SLC1A6: variants seen among roughly 807,000 people sequenced by gnomAD.
The protein encoded by SLC1A6 is solute carrier family 1 member 6, also known as excitatory amino acid transporter 4.
A neutral mutation model predicts 42.1 loss-of-function variants in SLC1A6; 15 were observed. The observed-to-expected ratio is 0.36, with a 90% CI of 0.24 to 0.55. SLC1A6 has a LOEUF of 0.55. Among genes scored for constraint, SLC1A6 ranks in the 20% least tolerant of loss-of-function variants. The probability of loss-of-function intolerance (pLI) is 0.88; values close to 1 mark genes in which losing one functional copy is unlikely to be tolerated. For missense variants in SLC1A6, 542 were observed against 772.5 expected (o/e 0.70, Z 3.54); for synonymous variants, 317 against 319.7 (o/e 0.99, Z 0.09).
intron 1 of SLC1A6, among the ~76,000 whole-genome samples, chr19:14,995,836 A>G (rs1295323539): frequency 6.6e-6 from 1 of 152,206 alleles, no homozygotes; most frequent in Non-Finnish European, 1.5e-5. Context: ...ACCTCATAGA[A>G]GAAGAGAGAT....
At chr19:14,996,561 GTTCTTCTTCCTCTTC>G (rs1600036146) in intron 1 of SLC1A6, among the ~76,000 whole-genome samples, 1 of 140,176 alleles carries the variant, frequency 7.1e-6, no homozygotes, top group East Asian at 2.0e-4. Context: ...TCTTCTTCTT[GTTCTTCTTCCTCTTC>G]TTCTTCTTCC....
At chr19:14,980,456 T>C (rs1455961931), upstream of SLC1A6, among the ~76,000 whole-genome samples, 1 of 152,190 alleles carries the variant, frequency 6.6e-6, no homozygotes, top group Non-Finnish European at 1.5e-5. Flanking sequence ...TGAGAGCTAA[T>C]GCCATTTAAA....
At chr19:14,995,894 A>G (rs2045843846) in intron 1 of SLC1A6, among the ~76,000 whole-genome samples, 1 of 152,188 alleles carries the variant, frequency 6.6e-6, no homozygotes, top group Admixed American at 6.5e-5. Context: ...GGAAAAGAAC[A>G]TTAGACAGCA....
intron 9 of SLC1A6, among the ~76,000 whole-genome samples, chr19:14,952,623 G>A (rs913276399): frequency 6.6e-6 from 1 of 152,022 alleles, no homozygotes; most frequent in East Asian, 2.0e-4. Context: ...ATTTTTAGTA[G>A]AGACACCGCA....
At chr19:14,952,794 G>C in intron 9 of SLC1A6, 134 bp downstream of exon 9, 2 of 1,147,524 alleles carry the variant, frequency 1.7e-6, no homozygotes, top group South Asian at 3.9e-5. Context: ...GCCTCTCCAA[G>C]GCCTCCTTTT....
chr19:14,995,502 G>C (rs569785826), intron 1 of SLC1A6, among the ~76,000 whole-genome samples: 11 of 152,170 alleles, frequency 7.2e-5, no homozygotes, highest in African/African-American at 2.4e-4. Context: ...AAGTTCAAGA[G>C]ATCTATTGTA....
rs56317513 is a variant in SLC1A6 at position 14,979,050 on chromosome 19, T to TCACA, written c.-8+255_-8+258dup. Among the ~76,000 whole-genome samples the TCACA allele has an allele frequency of 0.086, 11,281 of 131,222 alleles. 731 individuals carry two copies. The highest frequency in any genetic ancestry group is 0.11 in the Non-Finnish European group (6,841 of 61,860). The allele number at this position is 131,222 out of a possible 152,430, so 86.1% of individuals were successfully genotyped here. A position where few individuals can be genotyped will look rare whatever the true frequency, so the allele number is the denominator to read the frequency against. ...CAAATTCAGTCTCTCTCTCTCTCTG[T>TCACA]CACACACACACACACACACACACAC... On this transcript the variant is annotated intron_variant, in intron 1 of 9. Transcript: ENST00000594383. This position sits in a 1 kb window ranked among gnomAD's most constrained non-coding sequence, Gnocchi z 4.2.
chr19:14,975,221 G>C (rs2045689925), intron 1 of SLC1A6: 2 of 17,988 alleles, frequency 1.1e-4, no homozygotes, highest in Admixed American at 5.9e-4. Context: ...ATGAGTTCTG[G>C]TGTTCTGCAG....
rs1335936185 is a variant in SLC1A6, at chr19:14,989,271, A to T, written c.7-16354T>A. ...AACCCCCAAAATCTATTTTAAAAAA[A>T]ATTTTTTAAGGAGGAGTTTCACTCT... On this transcript the variant is annotated intron_variant, in intron 1 of 8. Coordinates refer to the SLC1A6 transcript ENST00000430939. 1.1e-4 allele frequency among the ~76,000 whole-genome samples: 16 copies of T among 152,132 alleles called. No individual in the cohort carries two copies. In the South Asian group the frequency reaches 3.1e-3, roughly 30 times the overall value.
chr19:14,950,462 G>T (rs1489491301), intron 9 of SLC1A6, 72 bp from the exon 10 acceptor site: 2 of 1,217,110 alleles, frequency 1.6e-6, no homozygotes, highest in Non-Finnish European at 2.3e-6. Context: ...GTGCAGCAGA[G>T]GGGGGTCCCT....
chr19:15,003,353 G>T (rs2045881139), intron 1 of SLC1A6, among the ~76,000 whole-genome samples: 1 of 152,166 alleles, frequency 6.6e-6, no homozygotes, highest in Non-Finnish European at 1.5e-5. Context: ...GACCAGCAAG[G>T]TCACTGCCTT....
chr19:14,958,362 G>A (rs2045480788), intron 6 of SLC1A6, among the ~76,000 whole-genome samples: 1 of 151,274 alleles, frequency 6.6e-6, no homozygotes, highest in African/African-American at 2.4e-5. Context: ...AGTGAGCTGA[G>A]ATCACATCAC....
At chr19:14,980,111 T>G (rs2045757652), upstream of SLC1A6, 1 of 152,296 alleles carries the variant, frequency 6.6e-6, no homozygotes, top group South Asian at 2.1e-4. Context: ...CGCTGCCCCC[T>G]TCTCCTTGCG....
chr19:14,966,165 G>C (rs2045571562), intron 4 of SLC1A6, among the ~76,000 whole-genome samples: 1 of 152,038 alleles, frequency 6.6e-6, no homozygotes, highest in Non-Finnish European at 1.5e-5. Context: ...AGAAACACTT[G>C]CTCCCCAAAA....
chr19:15,002,549 T>G (rs2045876863), intron 1 of SLC1A6, among the ~76,000 whole-genome samples: 1 of 152,178 alleles, frequency 6.6e-6, no homozygotes, highest in South Asian at 2.1e-4. Flanking sequence ...TGCCATAGGC[T>G]GTTGGTTACA....
At chr19:14,966,269 A>G (rs558095033) in intron 4 of SLC1A6, among the ~76,000 whole-genome samples, 15 of 152,282 alleles carry the variant, frequency 9.9e-5, no homozygotes, top group African/African-American at 3.6e-4. Flanking sequence ...AGGCAGGTAG[A>G]TTACTTGAGG....
Position 14,998,194 on chromosome 19 carries a change from T to C in SLC1A6, c.6+12291A>G, listed in dbSNP as rs375440094. ...GAAAGACGGAATCAGACATGCCTCA[T>C]TAAGCTCTCTTCCCTTTGGAATTCA... On this transcript the variant is annotated intron_variant, in intron 1 of 8. Coordinates refer to the SLC1A6 transcript ENST00000430939. 1.6e-4 allele frequency among the ~76,000 whole-genome samples: 25 copies of C among 152,268 alleles called. No individual in the cohort carries two copies. The East Asian group carries it at 2.9e-3, about 18-fold the overall frequency.
At position 14,972,848 on chromosome 19, in the gene SLC1A6, G is replaced by C; in HGVS notation, c.63C>G (p.Gly21=). 1.2e-6 allele frequency: 2 copies of C among 1,601,252 alleles called. No individual in the cohort carries two copies. Among genetic ancestry groups the C allele is most frequent in the Non-Finnish European group, 1.7e-6 (2 of 1,175,412 alleles). Residue 21 remains glycine (G), a synonymous_variant, in exon 2 of 10, where the codon GGC becomes GGG. Coordinates refer to ENST00000594383, the MANE Select transcript of SLC1A6 (RefSeq NM_005071.3). ...GGCTTTCCTGCAGCCGCTGCAGCCA[G>C]CCCACCCGGCCCAGCCGCTGGCCGC... ...RESGQRLGRV[G]WLQRLQESLQ...
At chr19:15,001,808 C>T (rs1312414590) in intron 1 of SLC1A6, among the ~76,000 whole-genome samples, 1 of 152,054 alleles carries the variant, frequency 6.6e-6, no homozygotes, top group Non-Finnish European at 1.5e-5. Context: ...ACCACAGGCA[C>T]ACACCATAAT....
Sources: allele counts gnomAD v4.1 joint callset (sites outside exome capture counted in the v4.1 genomes callset), GRCh38; gene constraint gnomAD v4.1.1; non-coding constraint Gnocchi (gnomAD v3.1); transcripts MANE v1.5; gene names NCBI Gene and HGNC (gene_info 2026-07-23, HGNC 2026-07-21).